The following EHMT1 variants were observed in gnomAD, a reference collection of about 807,000 sequenced individuals.
The protein encoded by EHMT1 is euchromatic histone lysine methyltransferase 1, also known as histone-lysine N-methyltransferase EHMT1.
A neutral mutation model predicts 147.2 loss-of-function variants in EHMT1; 15 were observed. The observed-to-expected ratio is 0.10, with a 90% confidence interval of 0.07 to 0.16. EHMT1 has a LOEUF of 0.16. Ranked by LOEUF, EHMT1 falls within the 10% of genes least tolerant of loss-of-function variation. EHMT1 has a pLI of 1.00. For missense variants in EHMT1, 1,587 were observed against 1,772.4 expected, an observed-to-expected ratio of 0.90 and a Z score of 1.88; for synonymous variants, 795 against 709.6, an observed-to-expected ratio of 1.12 and a Z score of -1.91.
chr9:137,744,052 T>A lies in EHMT1; in HGVS notation c.1132T>A (p.Ser378Thr). 6.2e-7 allele frequency: 1 copy of A among 1,614,090 alleles called. No individual in the cohort carries two copies. The highest frequency in any genetic ancestry group is 1.1e-5 in the South Asian group (1 of 91,080). The change falls in exon 6 of 27, where the codon TCC (serine) becomes ACC (threonine). Residue 378 changes from serine (S) to threonine (T), a missense_variant. Transcript: ENST00000460843. ...AAFPTEDSRTSKESMSEADRA... is the reference protein window; with the variant it reads ...AAFPTEDSRTTKESMSEADRA... ...GTTCCCCACAGAGGACAGCAGGACT[T>A]CCAAGGAGAGCATGTCGGAGGCTGA...
chr9:137,716,582 A>G (rs1450864600), intron 2 of EHMT1, 44 bp from the exon 3 acceptor site: 4 of 1,523,784 alleles, frequency 2.6e-6, no homozygotes, highest in Non-Finnish European at 3.5e-6. Context: ...GGTGCCATGG[A>G]GAGCGTGGCC....
chr9:137,822,719 C>T (rs1348616215), intron 25 of EHMT1, among the ~76,000 whole-genome samples: 7 of 152,004 alleles, frequency 4.6e-5, no homozygotes, highest in African/African-American at 1.7e-4. Flanking sequence ...ATGGTGAAAC[C>T]CCGTCTCTAC....
chr9:137,728,202 CGCT>C, intron 3 of EHMT1, 144 bp from the exon 4 acceptor site: 3 of 1,178,546 alleles, frequency 2.5e-6, no homozygotes, highest in Non-Finnish European at 3.7e-6. Flanking sequence ...GTGCTGTTTC[CGCT>C]TGCAGACTTT....
chr9:137,741,817 G>A (rs541012270), intron 4 of EHMT1, among the ~76,000 whole-genome samples: 5 of 152,234 alleles, frequency 3.3e-5, no homozygotes, highest in East Asian at 1.9e-4. Flanking sequence ...CTTGTAAGTG[G>A]ACCTATGTGA....
At chr9:137,740,573 A>G (rs539948932) in intron 4 of EHMT1, among the ~76,000 whole-genome samples, 1 of 152,314 alleles carries the variant, frequency 6.6e-6, no homozygotes, top group South Asian at 2.1e-4. Context: ...GCAGGACTGA[A>G]GCGGCTCCTC....
At chr9:137,753,800 G>A (rs1191635539) in intron 7 of EHMT1, among the ~76,000 whole-genome samples, 5 of 152,136 alleles carry the variant, frequency 3.3e-5, no homozygotes, top group Non-Finnish European at 7.4e-5. Flanking sequence ...GAAGCAAGCC[G>A]AGCGTTGATT....
Position 137,790,997 on chromosome 9 carries a change from C to T in EHMT1, c.2505+27C>T, listed in dbSNP as rs1952480432. Reference sequence around the variant, plus strand: ...TATGTTCCCCTGTCAGAATCAACGTCCTAGTGTGTGTGTAGACGTTTCTCA... The same window carrying T: ...TATGTTCCCCTGTCAGAATCAACGTTCTAGTGTGTGTGTAGACGTTTCTCA... On this transcript the variant is annotated intron_variant, in intron 16 of 26. Coordinates refer to ENST00000460843, the MANE Select transcript of EHMT1 (RefSeq NM_024757.5). The T allele has an allele frequency of 3.7e-6, 6 of 1,614,186 alleles. No individual in the cohort carries two copies. In the East Asian group the frequency reaches 1.3e-4, roughly 36 times the overall value.
At chr9:137,625,902 C>G (rs537339977) in intron 1 of EHMT1, among the ~76,000 whole-genome samples, 85 of 151,496 alleles carry the variant, frequency 5.6e-4, no homozygotes, top group African/African-American at 2.0e-3. Context: ...GTTGCCCAGG[C>G]TGGAGTGCAG....
chr9:137,633,361 G>T (rs747250551), intron 1 of EHMT1, among the ~76,000 whole-genome samples: 15 of 151,154 alleles, frequency 9.9e-5, no homozygotes, highest in Non-Finnish European at 1.8e-4. Context: ...TAGAAGAACA[G>T]AATTTTTGGG....
rs755405118 is a variant in EHMT1 at position 137,776,629 on chromosome 9, G to A, written c.1803G>A (p.Met601Ile). Residue 601 changes from methionine (M) to isoleucine (I), a missense_variant, in exon 12 of 27, where the codon ATG becomes ATA. Physicochemically the swap from Met to Ile is conservative, Grantham distance 10. This residue lies in a region of EHMT1 where 124 missense variants were observed against 197.8 expected (regional missense o/e 0.63). Coordinates refer to ENST00000460843, the MANE Select transcript of EHMT1 (RefSeq NM_024757.5). The surrounding 1 kb of genome is among the most constrained non-coding windows in gnomAD (Gnocchi z 4.4). Reference sequence around the variant, plus strand: ...CCTCCCATTTTTAGGGTAATTTTATGGAGTGTCAGCCCGAGAGCAGCATCT... The same window carrying A: ...CCTCCCATTTTTAGGGTAATTTTATAGAGTGTCAGCCCGAGAGCAGCATCT... Reference protein sequence around the residue: ...CGYFCTAGNFMECQPESSISH... With the variant: ...CGYFCTAGNFIECQPESSISH... 6.2e-7 allele frequency: 1 copy of A among 1,614,064 alleles called. No homozygotes were observed. The highest frequency in any genetic ancestry group is 8.5e-7 in the Non-Finnish European group (1 of 1,180,024).
intron 1 of EHMT1, among the ~76,000 whole-genome samples, chr9:137,703,287 C>T: frequency 6.6e-6 from 1 of 152,240 alleles, no homozygotes; most frequent in East Asian, 1.9e-4. Flanking sequence ...CATTCAGCTC[C>T]TCATGCAAAT....
rs1303239232 is a variant in EHMT1 at position 137,702,120 on chromosome 9, G to A, written c.22-8847G>A. Among the ~76,000 whole-genome samples, 10 of 152,072 alleles carry A rather than the reference G, an allele frequency of 6.6e-5. 1 individual carries two copies. The highest frequency in any genetic ancestry group is 6.6e-4 in the Admixed American group (10 of 15,254). ...AATTTTTGTATTTTTAATAGAGACAGGGTTTCACCATGTTGGTCAGGCTGG... is the reference window on the plus strand; with the variant it reads ...AATTTTTGTATTTTTAATAGAGACAAGGTTTCACCATGTTGGTCAGGCTGG... On this transcript the variant is annotated intron_variant, in intron 1 of 26. Coordinates refer to ENST00000460843, the MANE Select transcript of EHMT1 (RefSeq NM_024757.5).
At chr9:137,767,943 T>C (rs1285586038) in intron 10 of EHMT1, among the ~76,000 whole-genome samples, 3 of 152,250 alleles carry the variant, frequency 2.0e-5, no homozygotes, top group Non-Finnish European at 4.4e-5. Flanking sequence ...ACCTGTTTTG[T>C]ATTTTTAGTG....
At chr9:137,789,442 G>T (rs954007970) in intron 15 of EHMT1, among the ~76,000 whole-genome samples, 1 of 152,344 alleles carries the variant, frequency 6.6e-6, no homozygotes, top group South Asian at 2.1e-4. Flanking sequence ...TGCACAGCAC[G>T]GGCCTCGCTC....
rs758845539 is a variant in EHMT1, at chr9:137,778,005, A to G, written c.2142A>G (p.Gly714=). The change falls in exon 13 of 27, where the codon GGA becomes GGG. Residue 714 remains glycine (G), a synonymous_variant. Transcript: ENST00000460843. The part of the protein sequence containing the change: ...LGRPTPGLSQ[G]PGKETLESAL... The stretch of plus-strand genomic sequence containing the variant: ...GGCCAACTCCCGGCCTTTCCCAGGG[A>G]CCAGGGAAGGAAACCTTGGAGAGCG... 4.3e-6 allele frequency: 7 copies of G among 1,613,788 alleles called. No individual in the cohort carries two copies. The East Asian group carries it at 1.6e-4, about 36-fold the overall frequency.
intron 1 of EHMT1, among the ~76,000 whole-genome samples, chr9:137,686,285 A>C (rs576149235): frequency 8.7e-4 from 132 of 152,052 alleles, no homozygotes; most frequent in Non-Finnish European, 1.4e-3. Flanking sequence ...TTGTTGCCTA[A>C]CTCAAGGTTG....
intron 1 of EHMT1, among the ~76,000 whole-genome samples, chr9:137,710,262 A>G (rs1348661914): frequency 6.6e-6 from 1 of 152,126 alleles, no homozygotes; most frequent in Non-Finnish European, 1.5e-5. Flanking sequence ...ACTTGAGGCC[A>G]GGAGTTTGAG....
intron 17 of EHMT1, among the ~76,000 whole-genome samples, chr9:137,799,870 G>C: frequency 6.6e-6 from 1 of 152,232 alleles, no homozygotes; most frequent in Non-Finnish European, 1.5e-5. Flanking sequence ...CCCTGCATCT[G>C]AAGCATCCTC....
At chr9:137,680,012 C>G (rs567763410) in intron 1 of EHMT1, among the ~76,000 whole-genome samples, 14 of 152,318 alleles carry the variant, frequency 9.2e-5, no homozygotes, top group African/African-American at 3.1e-4. Context: ...TTTGATTATT[C>G]TCCTTTCCTG....
Sources: gnomAD v4.1 joint callset for allele counts (sites outside exome capture counted in the v4.1 genomes callset) on GRCh38, gnomAD v4.1.1 for gene constraint, gnomAD v4.1.1 regional missense constraint, Gnocchi (gnomAD v3.1) non-coding constraint, MANE v1.5 for transcripts, NCBI Gene and HGNC (gene_info 2026-07-23, HGNC 2026-07-21) for gene names.